The following ZFP82 variants were observed in gnomAD, a reference collection of about 807,000 sequenced individuals.
The protein encoded by ZFP82 is ZFP82 zinc finger protein, also known as zinc finger protein 82 homolog.
Under a neutral mutation model 54.0 loss-of-function variants are expected in ZFP82, and 30 were observed. The observed-to-expected ratio is 0.56, with a 90% CI of 0.42 to 0.75. The LOEUF is 0.75. ZFP82 is among the 30% of genes least tolerant of loss of function. The pLI, the probability that ZFP82 is intolerant of heterozygous loss-of-function variation, is 0.00. For missense variants in ZFP82, 500 were observed against 636.8 expected (o/e 0.79, Z 2.31); for synonymous variants, 194 against 209.5 (o/e 0.93, Z 0.64).
intron 4 of ZFP82, chr19:36,395,787 A>C (rs895073668): frequency 1.3e-5 from 2 of 152,242 alleles, no homozygotes; most frequent in African/African-American, 2.4e-5. Flanking sequence ...AATTAATAAT[A>C]AAATTAAAAG....
In ZFP82 at chr19:36,392,165, G is replaced by A. The variant is rs1343028273; in HGVS notation, c.*576C>T. The A allele has an allele frequency of 6.6e-6, 1 of 152,548 alleles. No homozygotes were observed. The allele number at this position is 152,548 out of a possible 1,614,324, so 9.4% of individuals were successfully genotyped here. On this transcript the variant is annotated 3_prime_UTR_variant, in exon 5 of 5. Transcript: ENST00000392161. ...TATCTTGGTGGATGTCAAGAAGACA[G>A]GGTTCAGCAGGTGCCTCTCCCTCTC...
chr19:36,405,649 C>T lies in ZFP82; in HGVS notation c.160G>A (p.Val54Met). 1 of 1,607,762 alleles carries T rather than the reference C, an allele frequency of 6.2e-7. No homozygotes were observed. The highest frequency in any genetic ancestry group is 8.5e-7 in the Non-Finnish European group (1 of 1,175,494). The part of the protein sequence containing the change: ...SLGCFISKPD[V>M]ISSLEQGKEP... ...TTTCCTTGCTCCAATGAGGAAATCA[C>T]ATCTGGTTTAGAAATGAAGCATCCT... Residue 54 changes from valine to methionine, a missense_variant, in exon 4 of 5, where the codon GTG (valine) becomes ATG (methionine). Transcript: ENST00000392161.
intron 2 of ZFP82, 89 bp from the exon 3 acceptor site, chr19:36,408,102 A>G: frequency 1.4e-6 from 2 of 1,445,174 alleles, no homozygotes; most frequent in Non-Finnish European, 1.9e-6. Context: ...TATTGCAGGA[A>G]GTGGATCATA....
chr19:36,402,955 G>A (rs1300538134), intron 4 of ZFP82, among the ~76,000 whole-genome samples: 2 of 151,946 alleles, frequency 1.3e-5, no homozygotes, highest in East Asian at 1.9e-4. Flanking sequence ...TGGCTAACAC[G>A]GTGAAACCCC....
chr19:36,384,917 A>G (rs1190013700), downstream of ZFP82, among the ~76,000 whole-genome samples: 1 of 152,230 alleles, frequency 6.6e-6, no homozygotes, highest in African/African-American at 2.4e-5. Flanking sequence ...CTGGACTTGG[A>G]GGTACAAATC....
At chr19:36,387,889 C>T (rs1401515329), downstream of ZFP82, among the ~76,000 whole-genome samples, 23 of 152,236 alleles carry the variant, frequency 1.5e-4, no homozygotes, top group Admixed American at 1.5e-3. Context: ...GCTGGGATTC[C>T]AGGCGTGAGC....
chr19:36,403,074 C>T (rs1386561203), intron 4 of ZFP82, among the ~76,000 whole-genome samples: 4 of 151,968 alleles, frequency 2.6e-5, no homozygotes, highest in Non-Finnish European at 5.9e-5. Context: ...ACCTGGGAGG[C>T]GGAGCTTGCA....
chr19:36,399,794 G>A (rs575350547), intron 4 of ZFP82, among the ~76,000 whole-genome samples: 1 of 152,278 alleles, frequency 6.6e-6, no homozygotes, highest in South Asian at 2.1e-4. Context: ...CGAAAATTAA[G>A]TGTAGGAAAT....
At position 36,393,154 on chromosome 19, in the gene ZFP82, A is replaced by G. The variant is rs762910054; in HGVS notation, c.1186T>C (p.Cys396Arg). 1.2e-6 allele frequency: 2 copies of G among 1,613,920 alleles called. No homozygotes were observed. Among genetic ancestry groups the G allele is most frequent in the Non-Finnish European group, 1.7e-6 (2 of 1,179,932 alleles). The part of the protein sequence containing the change: ...RIHTGEKPYE[C>R]KECWKAFSRY... The stretch of plus-strand genomic sequence containing the variant: ...CTAAAGGCTTTCCAGCATTCCTTAC[A>G]TTCGTAAGGTTTTTCACCAGTATGA... The change falls in exon 5 of 5, where the codon TGT becomes CGT. Residue 396 changes from cysteine to arginine, a missense_variant. Physicochemically the swap from Cys to Arg is radical, Grantham distance 180 (BLOSUM62 -3). Coordinates refer to ENST00000392161, the MANE Select transcript of ZFP82 (RefSeq NM_133466.4).
chr19:36,405,700 A>G (rs759298907), intron 3 of ZFP82, 28 bp from the exon 4 acceptor site: 14 of 1,504,138 alleles, frequency 9.3e-6, no homozygotes, highest in South Asian at 1.3e-5. Flanking sequence ...AATATAAGGT[A>G]CATGAAAATA....
chr19:36,401,871 A>G (rs1313865403), intron 4 of ZFP82, among the ~76,000 whole-genome samples: 1 of 152,218 alleles, frequency 6.6e-6, no homozygotes. Context: ...TTCCCAGAAA[A>G]TGACATGTCT....
chr19:36,383,276 C>T (rs2032079780), exon 2 of ZFP82: 1 of 152,146 alleles, frequency 6.6e-6, no homozygotes, highest in Non-Finnish European at 1.5e-5. Flanking sequence ...TCTTGCTCAT[C>T]GAACATTCTG....
At chr19:36,394,342 TTGAG>T in intron 4 of ZFP82, 1 of 475,678 alleles carries the variant, frequency 2.1e-6, no homozygotes. Flanking sequence ...GGTTCTCATA[TTGAG>T]GTGTGGATCA....
At position 36,392,559 on chromosome 19, in the gene ZFP82, ATTAGTTT is replaced by A; in HGVS notation, c.*175_*181del. 1 of 550,876 alleles carries A rather than the reference ATTAGTTT, an allele frequency of 1.8e-6. No homozygotes were observed. The highest frequency in any genetic ancestry group is 3.0e-5 in the East Asian group (1 of 33,508). 34.1% of individuals were successfully genotyped at this position (550,876 alleles called of 1,614,324 possible). A position where few individuals can be genotyped will look rare whatever the true frequency, so the allele number is the denominator to read the frequency against. ...ATGTCTTTTTCATTCTTATAACAGG[ATTAGTTT>A]TTAGAACAAATATGCTGAAGTTTCA... On this transcript the variant is annotated 3_prime_UTR_variant, in exon 5 of 5. Coordinates refer to ENST00000392161, the MANE Select transcript of ZFP82 (RefSeq NM_133466.4).
At chr19:36,398,462 A>C (rs1379425082) in intron 4 of ZFP82, among the ~76,000 whole-genome samples, 12 of 151,556 alleles carry the variant, frequency 7.9e-5, no homozygotes, top group Non-Finnish European at 1.8e-4. Flanking sequence ...GCTTGAACCC[A>C]GGAGGCAGAG....
chr19:36,393,311 G>A lies in ZFP82; in HGVS notation c.1029C>T (p.Cys343=), dbSNP rs112210948. Residue 343 remains cysteine, a synonymous_variant, in exon 5 of 5, where the codon TGC becomes TGT. Coordinates refer to ENST00000392161, the MANE Select transcript of ZFP82 (RefSeq NM_133466.4). ...TGEKPYECKE[C]GKAFRVRQQL... ...GTTGTCGCACTCTAAAGGCCTTCCC[G>A]CATTCCTTACATTCATAGGGTTTCT... The A allele has an allele frequency of 3.1e-6, 5 of 1,611,868 alleles. No individual in the cohort carries two copies. Among genetic ancestry groups the A allele is most frequent in the South Asian group, 2.2e-5 (2 of 90,960 alleles).
At chr19:36,411,142 C>T (rs185094849) in intron 1 of ZFP82, among the ~76,000 whole-genome samples, 6 of 151,026 alleles carry the variant, frequency 4.0e-5, no homozygotes, top group African/African-American at 9.7e-5. Flanking sequence ...TGCAGTGAGC[C>T]GAGATTGCGC....
At position 36,391,393 on chromosome 19, in the gene ZFP82, G is replaced by A. The variant is rs1450477566; in HGVS notation, c.*1348C>T. Reference sequence around the variant, plus strand: ...AAATTAATGGGGCTTCATAATACAGGTGACTTTTAATTTCCAAAGTTTCAT... The same window carrying A: ...AAATTAATGGGGCTTCATAATACAGATGACTTTTAATTTCCAAAGTTTCAT... On this transcript the variant is annotated 3_prime_UTR_variant, in exon 5 of 5. Transcript: ENST00000392161. The A allele has an allele frequency of 6.6e-6, 1 of 151,602 alleles. No homozygotes were observed. Among genetic ancestry groups the A allele is most frequent in the African/African-American group, 2.4e-5 (1 of 41,238 alleles). The allele number at this position is 151,602 out of a possible 1,614,324, so 9.4% of individuals were successfully genotyped here.
In ZFP82 at chr19:36,393,710, A is replaced by G; in HGVS notation, c.630T>C (p.Thr210=). The change falls in exon 5 of 5, where the codon ACT becomes ACC. Residue 210 remains threonine (T), a synonymous_variant. Coordinates refer to ENST00000392161, the MANE Select transcript of ZFP82 (RefSeq NM_133466.4). Reference sequence around the variant, plus strand: ...GTCTCTGATGTCGAGTAAGGTGTGCAGTCTGTCTGAAGGCCATCCCACATT... The same window carrying G: ...GTCTCTGATGTCGAGTAAGGTGTGCGGTCTGTCTGAAGGCCATCCCACATT... ...CKECGMAFRQ[T]AHLTRHQRLH... is the part of the protein sequence containing the mutation. The G allele has an allele frequency of 6.2e-7, 1 of 1,613,940 alleles. No individual in the cohort carries two copies. The highest frequency in any genetic ancestry group is 8.5e-7 in the Non-Finnish European group (1 of 1,179,992).
Sources: allele counts gnomAD v4.1 joint callset (sites outside exome capture counted in the v4.1 genomes callset), GRCh38; gene constraint gnomAD v4.1.1; transcripts MANE v1.5; gene names NCBI Gene and HGNC (gene_info 2026-07-23, HGNC 2026-07-21).